Variants in LPAR1 observed in about 807,000 individuals in gnomAD.
The protein encoded by LPAR1 is lysophosphatidic acid receptor 1, also known as LPA receptor 1.
A neutral mutation model predicts 23.8 loss-of-function variants in LPAR1; 5 were observed. The ratio of observed to expected loss-of-function variants is 0.21; its 90% confidence interval spans 0.11 to 0.44. The LOEUF is 0.44. LPAR1 is among the 20% of genes least tolerant of loss of function. The pLI is 0.99. For missense variants in LPAR1, 311 were observed against 482.8 expected (o/e 0.64, Z 3.33); for synonymous variants, 160 against 164.7 (o/e 0.97, Z 0.22).
In LPAR1 at chr9:110,972,078, G is replaced by A. The variant is rs1360229371; in HGVS notation, c.40C>T (p.Pro14Ser). 9.3e-6 allele frequency: 15 copies of A among 1,613,784 alleles called. No homozygotes were observed. In the East Asian group the frequency reaches 3.3e-4, roughly 36 times the overall value. ...TGCTAGTTTGAAGCCCTTACCTGGGGCTGTGAAATTACAGGGATGGAAGTA... is the reference window on the plus strand; with the variant it reads ...TGCTAGTTTGAAGCCCTTACCTGGGACTGTGAAATTACAGGGATGGAAGTA... ...ISTSIPVISQ[P>S]QFTAMNEPQC... The change falls in exon 4 of 6, where the codon CCC becomes TCC. Residue 14 changes from proline to serine, a missense_variant. Pro to Ser is a moderately conservative substitution (Grantham distance 74). This residue lies in a region of LPAR1 where 61 missense variants were observed against 55.6 expected (regional missense o/e 1.10). Transcript: ENST00000683809.
intron 2 of LPAR1, among the ~76,000 whole-genome samples, chr9:110,975,137 G>A (rs747938313): frequency 2.0e-5 from 3 of 152,014 alleles, no homozygotes; most frequent in Non-Finnish European, 4.4e-5. Flanking sequence ...ATATGCTCAG[G>A]TCCAATATCA....
chr9:110,883,468 A>C (rs1434562674), intron 5 of LPAR1, among the ~76,000 whole-genome samples: 1 of 152,260 alleles, frequency 6.6e-6, no homozygotes, highest in South Asian at 2.1e-4. Context: ...AGAACAAAAC[A>C]GTTTGAAAAG....
chr9:111,007,896 G>A (rs146261524), intron 2 of LPAR1, among the ~76,000 whole-genome samples: 64 of 152,226 alleles, frequency 4.2e-4, no homozygotes, highest in African/African-American at 1.3e-3. Flanking sequence ...TTAAGATGCC[G>A]AGCGCGGTGG....
At chr9:111,020,661 C>T (rs1338395581) in intron 2 of LPAR1, among the ~76,000 whole-genome samples, 1 of 152,132 alleles carries the variant, frequency 6.6e-6, no homozygotes. Flanking sequence ...TCACACCCAA[C>T]CTGTTTCTAG....
intron 5 of LPAR1, among the ~76,000 whole-genome samples, chr9:110,915,483 T>A (rs2092985233): frequency 6.6e-6 from 1 of 151,894 alleles, no homozygotes; most frequent in African/African-American, 2.4e-5. Context: ...GAGGTGGAGG[T>A]TGTAGTGAGC....
At chr9:110,927,008 C>G (rs2094090292) in intron 5 of LPAR1, among the ~76,000 whole-genome samples, 1 of 152,204 alleles carries the variant, frequency 6.6e-6, no homozygotes, top group Non-Finnish European at 1.5e-5. Context: ...CAAAAATCAG[C>G]CTTTAAACAA....
Position 110,941,624 on chromosome 9 carries a change from T to G in LPAR1, c.590A>C (p.Asn197Thr). 6.2e-7 allele frequency: 1 copy of G among 1,614,160 alleles called. No homozygotes were observed. The highest frequency in any genetic ancestry group is 8.5e-7 in the Non-Finnish European group (1 of 1,180,010). Reference sequence around the variant, plus strand: ...AGAGTCACTGTAGAGGGGTGCCATGTTGGAACAATTTTCAATATCACAGAT... The same window carrying G: ...AGAGTCACTGTAGAGGGGTGCCATGGTGGAACAATTTTCAATATCACAGAT... ...NCICDIENCSNMAPLYSDSYL... is the reference protein window; with the variant it reads ...NCICDIENCSTMAPLYSDSYL... The change falls in exon 5 of 6, where the codon AAC becomes ACC. Residue 197 changes from asparagine (N) to threonine (T), a missense_variant. By Grantham distance (65) the Asn-to-Thr change is moderately conservative. Transcript: ENST00000683809. The surrounding 1 kb of genome is among the most constrained non-coding windows in gnomAD (Gnocchi z 6.1).
chr9:110,906,875 A>C (rs1261304792), intron 5 of LPAR1, among the ~76,000 whole-genome samples: 1 of 150,074 alleles, frequency 6.7e-6, no homozygotes, highest in Non-Finnish European at 1.5e-5. Context: ...TATGCTTTGA[A>C]GGCCAACTTA....
At chr9:111,032,755 A>C (rs746639391) in intron 2 of LPAR1, among the ~76,000 whole-genome samples, 31 of 152,196 alleles carry the variant, frequency 2.0e-4, no homozygotes, top group Non-Finnish European at 3.7e-4. Context: ...ATATAGGGAA[A>C]CTTGCTATAA....
chr9:110,964,671 C>CA (rs200048555), intron 4 of LPAR1, among the ~76,000 whole-genome samples: 9 of 1,914 alleles, frequency 4.7e-3, no homozygotes, highest in Admixed American at 8.9e-3. Flanking sequence ...CTTTCAGCCT[C>CA]AAAAAAAAAA....
Position 110,941,777 on chromosome 9 carries a change from C to T in LPAR1, c.437G>A (p.Arg146Lys). 2.5e-6 allele frequency: 4 copies of T among 1,614,180 alleles called. No homozygotes were observed. The highest frequency in any genetic ancestry group is 3.4e-6 in the Non-Finnish European group (4 of 1,180,024). ...CTGCATGCGGAAAACCGTAATGTGC[C>T]TCTCGATTGCAATAGCCAGTAAGTT... ...VANLLAIAIE[R>K]HITVFRMQLH... is the part of the protein sequence containing the mutation. Residue 146 changes from arginine (R) to lysine (K), a missense_variant, in exon 5 of 6, where the codon AGG becomes AAG. This residue lies in a region of LPAR1 where 250 missense variants were observed against 427.2 expected (regional missense o/e 0.59). Transcript: ENST00000683809. This position sits in a 1 kb window ranked among gnomAD's most constrained non-coding sequence, Gnocchi z 6.1.
At chr9:110,933,921 A>T (rs1467059021) in intron 5 of LPAR1, among the ~76,000 whole-genome samples, 1 of 152,210 alleles carries the variant, frequency 6.6e-6, no homozygotes, top group Non-Finnish European at 1.5e-5. Flanking sequence ...GATGGGCAAC[A>T]AAAGGGTATA....
chr9:110,992,259 G>T (rs558082585), intron 2 of LPAR1, among the ~76,000 whole-genome samples: 2 of 152,186 alleles, frequency 1.3e-5, no homozygotes, highest in Admixed American at 1.3e-4. Flanking sequence ...GATAAGCATA[G>T]AAGAGCAATT....
At chr9:110,986,054 C>T (rs891400154) in intron 2 of LPAR1, among the ~76,000 whole-genome samples, 3 of 152,106 alleles carry the variant, frequency 2.0e-5, no homozygotes, top group Admixed American at 2.0e-4. Flanking sequence ...AAGTAGAACT[C>T]TACTCTGGGT....
At chr9:110,929,935 G>C (rs1170124942) in intron 5 of LPAR1, among the ~76,000 whole-genome samples, 1 of 151,844 alleles carries the variant, frequency 6.6e-6, no homozygotes, top group Non-Finnish European at 1.5e-5. Flanking sequence ...ATGATGCTTC[G>C]AGTTGCAAAG....
intron 3 of LPAR1, among the ~76,000 whole-genome samples, 191 bp downstream of exon 3, chr9:110,973,290 T>C (rs560283600): frequency 2.0e-4 from 31 of 152,208 alleles, no homozygotes; most frequent in African/African-American, 7.5e-4. Flanking sequence ...CCCCACCTAT[T>C]TGCAGAAGAA....
intron 5 of LPAR1, among the ~76,000 whole-genome samples, chr9:110,904,611 G>C (rs2090577844): frequency 6.6e-6 from 1 of 152,302 alleles, no homozygotes; most frequent in South Asian, 2.1e-4. Flanking sequence ...CAAAGTCCTA[G>C]ACTAGGAGCT....
At chr9:111,021,930 C>T (rs1255488975) in intron 2 of LPAR1, among the ~76,000 whole-genome samples, 1 of 140,178 alleles carries the variant, frequency 7.1e-6, no homozygotes, top group Non-Finnish European at 1.5e-5. Context: ...CGCCACCGCA[C>T]TCCAGCCTGG....
chr9:111,022,736 C>T (rs1482207833), intron 2 of LPAR1, among the ~76,000 whole-genome samples: 2 of 152,142 alleles, frequency 1.3e-5, no homozygotes, highest in Non-Finnish European at 2.9e-5. Context: ...TACAGCTCCT[C>T]ATACAGAGCA....
Sources: allele counts gnomAD v4.1 joint callset (sites outside exome capture counted in the v4.1 genomes callset), GRCh38; gene constraint gnomAD v4.1.1; regional missense constraint gnomAD v4.1.1; non-coding constraint Gnocchi (gnomAD v3.1); transcripts MANE v1.5; gene names NCBI Gene and HGNC (gene_info 2026-07-23, HGNC 2026-07-21).